Variants in CDH13 observed in about 807,000 individuals in gnomAD.
The protein encoded by CDH13 is cadherin-13.
Under a neutral mutation model 63.8 loss-of-function variants are expected in CDH13, and 24 were observed. The ratio of observed to expected loss-of-function variants is 0.38; its 90% CI spans 0.27 to 0.53. The LOEUF (loss-of-function observed/expected upper bound fraction) is 0.53. CDH13 is among the 20% of genes least tolerant of loss of function. The pLI is 0.85. For missense variants in CDH13, 1,049 were observed against 903.1 expected (o/e 1.16, Z -2.07); for synonymous variants, 503 against 355.3 (o/e 1.42, Z -4.67).
intron 13 of CDH13, among the ~76,000 whole-genome samples, chr16:83,787,165 G>A (rs1296152568): frequency 6.6e-6 from 1 of 152,194 alleles, no homozygotes; most frequent in East Asian, 1.9e-4. Flanking sequence ...ACCATTCTGC[G>A]ACTTACTTTT....
chr16:83,287,163 G>A (rs548781484), intron 5 of CDH13, among the ~76,000 whole-genome samples: 25 of 152,312 alleles, frequency 1.6e-4, no homozygotes, highest in African/African-American at 5.3e-4. Flanking sequence ...GAAGTCCAAC[G>A]TAGAGAAAGG....
At chr16:83,470,698 G>C (rs957340935) in intron 6 of CDH13, among the ~76,000 whole-genome samples, 2 of 152,194 alleles carry the variant, frequency 1.3e-5, no homozygotes, top group African/African-American at 4.8e-5. Flanking sequence ...AGGCTCAGCA[G>C]ATAACACGCC....
At chr16:83,272,261 AT>A (rs2088846958) in intron 5 of CDH13, among the ~76,000 whole-genome samples, 1 of 152,200 alleles carries the variant, frequency 6.6e-6, no homozygotes, top group East Asian at 1.9e-4. Context: ...GTGTCAGGGA[AT>A]GATAAGACCT....
intron 3 of CDH13, among the ~76,000 whole-genome samples, chr16:83,069,612 T>C (rs1389928173): frequency 6.6e-6 from 1 of 152,180 alleles, no homozygotes; most frequent in African/African-American, 2.4e-5. Context: ...ACTAGAATCT[T>C]ATCTACTATG....
chr16:83,360,246 T>G (rs966186006), intron 6 of CDH13, among the ~76,000 whole-genome samples: 3 of 152,238 alleles, frequency 2.0e-5, no homozygotes, highest in Non-Finnish European at 4.4e-5. Flanking sequence ...TTATGCAAAT[T>G]CTGAATTATC....
At chr16:82,992,593 C>T (rs1049555936) in intron 2 of CDH13, among the ~76,000 whole-genome samples, 7 of 152,130 alleles carry the variant, frequency 4.6e-5, no homozygotes, top group Non-Finnish European at 8.8e-5. Context: ...AAAGCTTTAA[C>T]TAAATGTTTG....
At chr16:83,434,583 A>C (rs1417289846) in intron 6 of CDH13, among the ~76,000 whole-genome samples, 1 of 151,928 alleles carries the variant, frequency 6.6e-6, no homozygotes, top group Non-Finnish European at 1.5e-5. Flanking sequence ...AACTCAATTA[A>C]AAAAAGAAAA....
chr16:82,831,092 A>C (rs1336011166), intron 1 of CDH13, among the ~76,000 whole-genome samples: 2 of 152,044 alleles, frequency 1.3e-5, no homozygotes, highest in African/African-American at 4.8e-5. Flanking sequence ...CTTCAGCATC[A>C]CCTGAGCACT....
chr16:82,862,150 C>A (rs975668179), intron 2 of CDH13, among the ~76,000 whole-genome samples: 1 of 152,172 alleles, frequency 6.6e-6, no homozygotes, highest in Admixed American at 6.5e-5. Flanking sequence ...CATGGTAGAT[C>A]TTGCTTTTCC....
intron 6 of CDH13, among the ~76,000 whole-genome samples, chr16:83,391,957 G>A (rs1250167321): frequency 2.0e-5 from 3 of 152,146 alleles, no homozygotes; most frequent in South Asian, 2.1e-4. Flanking sequence ...TGTTTATCAG[G>A]GTCATTCGAA....
At chr16:83,672,765 C>G (rs1914624465) in intron 9 of CDH13, among the ~76,000 whole-genome samples, 1 of 152,118 alleles carries the variant, frequency 6.6e-6, no homozygotes, top group African/African-American at 2.4e-5. Flanking sequence ...TGAGCTGTAG[C>G]AAACACATTT....
chr16:82,992,702 C>G (rs1911790109), intron 2 of CDH13, among the ~76,000 whole-genome samples: 1 of 151,790 alleles, frequency 6.6e-6, no homozygotes, highest in South Asian at 2.1e-4. Context: ...GGGTGATATA[C>G]AAAAAAAAGT....
intron 5 of CDH13, among the ~76,000 whole-genome samples, chr16:83,218,731 C>A (rs913259557): frequency 6.6e-6 from 1 of 152,144 alleles, no homozygotes; most frequent in Non-Finnish European, 1.5e-5. Flanking sequence ...GCTGTGGGAT[C>A]TGATATGGTT....
rs1907331272 is a variant in CDH13, at chr16:83,264,277, C to T, written c.636+46780C>T. Among the ~76,000 whole-genome samples the T allele has an allele frequency of 2.6e-5, 4 of 152,302 alleles. No individual in the cohort carries two copies. The South Asian group carries it at 8.3e-4, about 32-fold the overall frequency. The stretch of plus-strand genomic sequence containing the variant: ...GTTGTCATTTTAGCAGTCAAACTTT[C>T]TGTTGGATCACACTGAGTTTATGGT... On this transcript the variant is annotated intron_variant, in intron 5 of 13. Coordinates refer to ENST00000567109, the MANE Select transcript of CDH13 (RefSeq NM_001257.5).
intron 6 of CDH13, among the ~76,000 whole-genome samples, chr16:83,346,600 T>C (rs771012281): frequency 6.6e-6 from 1 of 152,176 alleles, no homozygotes; most frequent in Non-Finnish European, 1.5e-5. Flanking sequence ...TCTTTGTATA[T>C]TATGTGTGTA....
intron 6 of CDH13, among the ~76,000 whole-genome samples, chr16:83,469,408 G>A (rs1361531323): frequency 2.6e-5 from 4 of 152,134 alleles, no homozygotes; most frequent in African/African-American, 4.8e-5. Flanking sequence ...AATCAAATAG[G>A]TCGGGGGTCG....
intron 1 of CDH13, among the ~76,000 whole-genome samples, chr16:82,798,254 G>C (rs1023966464): frequency 3.9e-5 from 6 of 152,152 alleles, no homozygotes; most frequent in Non-Finnish European, 8.8e-5. Flanking sequence ...TAGAAAACAA[G>C]TACATCAAAG....
chr16:83,325,333 G>A (rs1275867189), intron 5 of CDH13, among the ~76,000 whole-genome samples: 1 of 152,136 alleles, frequency 6.6e-6, no homozygotes, highest in African/African-American at 2.4e-5. Context: ...TAGTTTAAGA[G>A]GCCTCAGGTT....
intron 5 of CDH13, among the ~76,000 whole-genome samples, chr16:83,253,348 A>T (rs529917692): frequency 2.0e-5 from 3 of 152,270 alleles, no homozygotes; most frequent in African/African-American, 7.2e-5. Context: ...ACCTCAGAGC[A>T]TTGCGTGAGT....
Sources: allele counts gnomAD v4.1 joint callset (sites outside exome capture counted in the v4.1 genomes callset), GRCh38; gene constraint gnomAD v4.1.1; transcripts MANE v1.5; gene names NCBI Gene and HGNC (gene_info 2026-07-23, HGNC 2026-07-21).